The following INTS6L variants were observed in gnomAD, a reference collection of about 807,000 sequenced individuals.
INTS6L encodes the protein integrator complex subunit 6-like.
A neutral mutation model predicts 64.7 loss-of-function variants in INTS6L; 18 were observed. The observed-to-expected ratio is 0.28, with a 90% CI of 0.19 to 0.41. INTS6L has a LOEUF of 0.41. INTS6L is among the 10% of genes least tolerant of loss of function. The pLI is 1.00. For synonymous variants in INTS6L, 227 were observed against 235.9 expected (o/e 0.96, Z 0.34); for missense variants, 533 against 661.0 (o/e 0.81, Z 2.12).
At chrX:135,533,153 CTA>C (rs1381598129) in intron 2 of INTS6L, among the ~76,000 whole-genome samples, 1 of 111,990 alleles carries the variant, frequency 8.9e-6, no homozygotes, top group African/African-American at 3.3e-5. Context: ...GTTTAATGTG[CTA>C]TATCACACAC....
At chrX:135,531,824 G>A (rs1474672560) in intron 2 of INTS6L, among the ~76,000 whole-genome samples, 1 of 111,764 alleles carries the variant, frequency 8.9e-6, no homozygotes, top group Non-Finnish European at 1.9e-5. Flanking sequence ...TACCCTCTGA[G>A]TGTATCTCCC....
intron 12 of INTS6L, 107 bp from the exon 13 acceptor site, chrX:135,573,832 T>C: frequency 1.1e-6 from 1 of 912,516 alleles, no homozygotes; most frequent in Non-Finnish European, 1.5e-6. Flanking sequence ...CTGTAGTCAG[T>C]TGTATTGATA....
chrX:135,577,067 A>G, intron 14 of INTS6L, 126 bp from the exon 15 acceptor site: 2 of 658,535 alleles, frequency 3.0e-6, no homozygotes, highest in Non-Finnish European at 4.6e-6. Context: ...AAAAAAATGA[A>G]AGAAAAAAAG....
intron 9 of INTS6L, among the ~76,000 whole-genome samples, chrX:135,559,108 T>A (rs6635064): frequency 8.9e-6 from 1 of 112,107 alleles, no homozygotes; most frequent in Non-Finnish European, 1.9e-5. Context: ...ATAGGATTTT[T>A]AAAAAAGAAA....
chrX:135,540,747 C>G (rs1193608738), intron 2 of INTS6L, among the ~76,000 whole-genome samples: 1 of 109,027 alleles, frequency 9.2e-6, no homozygotes, highest in Non-Finnish European at 1.9e-5. Flanking sequence ...CCTCTTCCTC[C>G]CCCTCCTCCT....
intron 7 of INTS6L, among the ~76,000 whole-genome samples, chrX:135,551,116 AAT>A (rs782733781): frequency 8.9e-6 from 1 of 112,317 alleles, no homozygotes; most frequent in African/African-American, 3.2e-5. Context: ...AAGGCAAGTG[AAT>A]ATGTTTTCAT....
At chrX:135,521,431 G>A in intron 2 of INTS6L, 113 bp downstream of exon 2, 2 of 757,626 alleles carry the variant, frequency 2.6e-6, no homozygotes, top group Non-Finnish European at 3.7e-6. Context: ...GGGGCGGGCG[G>A]CGAGGGGGTG....
At chrX:135,579,412 C>T (rs1325129011) in intron 15 of INTS6L, among the ~76,000 whole-genome samples, 1 of 111,958 alleles carries the variant, frequency 8.9e-6, no homozygotes, top group Non-Finnish European at 1.9e-5. Flanking sequence ...TCCAAGTTGT[C>T]TGGCTTCCAG....
In INTS6L at chrX:135,520,806, G is replaced by A. The variant is rs1263469708; in HGVS notation, c.-187G>A. 5 of 444,283 alleles carry A rather than the reference G, an allele frequency of 1.1e-5. No individual in the cohort carries two copies. The highest frequency in any genetic ancestry group is 3.5e-5 in the South Asian group (1 of 28,408). The allele number at this position is 444,283 out of a possible 1,213,427, so 36.6% of individuals were successfully genotyped here. ...ACTTTCAAGTTCCCTTGGAGGGAGA[G>A]GAGGTGGGGCTGCAGAAAGAGGAGG... On this transcript the variant is annotated 5_prime_UTR_variant, in exon 1 of 18. Coordinates refer to ENST00000639893, the MANE Select transcript of INTS6L (RefSeq NM_001351601.3).
intron 9 of INTS6L, among the ~76,000 whole-genome samples, chrX:135,563,676 T>TATAG (rs2086857804): frequency 1.1e-5 from 1 of 93,601 alleles, no homozygotes; most frequent in Non-Finnish European, 2.1e-5. Flanking sequence ...TATAGCTATA[T>TATAG]ATATAGCTAG....
chrX:135,536,700 A>C (rs1191502806), intron 2 of INTS6L, among the ~76,000 whole-genome samples: 1 of 111,575 alleles, frequency 9.0e-6, no homozygotes, highest in Non-Finnish European at 1.9e-5. Context: ...AATGAATCGG[A>C]GAAATGGCCT....
At chrX:135,563,088 G>T (rs971529290) in intron 9 of INTS6L, among the ~76,000 whole-genome samples, 1 of 110,505 alleles carries the variant, frequency 9.0e-6, no homozygotes, top group Non-Finnish European at 1.9e-5. Flanking sequence ...TTATTTAAAC[G>T]TTTTTTAGAA....
chrX:135,535,227 C>G (rs2086022667), intron 2 of INTS6L, among the ~76,000 whole-genome samples: 1 of 111,518 alleles, frequency 9.0e-6, no homozygotes, highest in Non-Finnish European at 1.9e-5. Context: ...ATAATGTATT[C>G]TTAGTGTGTA....
intron 8 of INTS6L, among the ~76,000 whole-genome samples, chrX:135,554,772 G>A (rs1026622146): frequency 1.8e-5 from 2 of 109,954 alleles, no homozygotes; most frequent in African/African-American, 6.6e-5. Flanking sequence ...ACTGTAAGGG[G>A]GCTGATGATA....
At chrX:135,549,610 A>T (rs202171791) in intron 6 of INTS6L, 32 bp from the exon 7 acceptor site, 1 of 1,183,245 alleles carries the variant, frequency 8.5e-7, no homozygotes, top group East Asian at 3.0e-5. Flanking sequence ...AAAGAAACTC[A>T]CGCCTTAGTT....
Position 135,531,746 on chromosome X carries a change from A to G in INTS6L, c.189+10428A>G, listed in dbSNP as rs1238376538. On this transcript the variant is annotated intron_variant, in intron 2 of 17. Transcript: ENST00000639893. ...AGCCTGCCATTCTGAGCTCTCTAGTATCTGTTCCACGTGTCGGTAAAAACT... is the reference window on the plus strand; with the variant it reads ...AGCCTGCCATTCTGAGCTCTCTAGTGTCTGTTCCACGTGTCGGTAAAAACT... Among the ~76,000 whole-genome samples the G allele has an allele frequency of 3.6e-5, 4 of 111,597 alleles. No individual in the cohort carries two copies. The East Asian group carries it at 1.1e-3, about 31-fold the overall frequency.
rs782399791 is a variant in INTS6L at position 135,572,903 on chromosome X, G to A, written c.1487G>A (p.Gly496Asp). 8.3e-7 allele frequency: 1 copy of A among 1,211,481 alleles called. No individual in the cohort carries two copies. Among genetic ancestry groups the A allele is most frequent in the South Asian group, 1.8e-5 (1 of 56,956 alleles). The change falls in exon 12 of 18, where the codon GGT becomes GAT. Residue 496 changes from glycine to aspartate, a missense_variant. Gly to Asp is a moderately conservative substitution (Grantham distance 94). Coordinates refer to ENST00000639893, the MANE Select transcript of INTS6L (RefSeq NM_001351601.3). Reference protein sequence around the residue: ...IGIKVKNHSGGGMSLTHNKNF... With the variant: ...IGIKVKNHSGDGMSLTHNKNF... ...ATTAAAGTGAAAAATCATTCTGGAG[G>A]TGGCATGTCCTTGACTCACAATAAA...
chrX:135,554,294 C>T (rs189655430), intron 8 of INTS6L, among the ~76,000 whole-genome samples: 265 of 112,261 alleles, frequency 2.4e-3, no homozygotes, highest in Middle Eastern at 0.014. Context: ...TGACCCTTGA[C>T]TGCCTTGTGC....
At position 135,547,246 on chromosome X, in the gene INTS6L, T is replaced by C. The variant is rs1295418131; in HGVS notation, c.723T>C (p.Asp241=). Residue 241 remains aspartate (D), a synonymous_variant, in exon 6 of 18, where the codon GAT becomes GAC. Transcript: ENST00000639893. Reference sequence around the variant, plus strand: ...TTAATTTTGAAAAAACAGGACCAGATCCACTTCCTATTGGAGAAGGTATAG... The same window carrying C: ...TTAATTTTGAAAAAACAGGACCAGACCCACTTCCTATTGGAGAAGGTATAG... ...VVINFEKTGP[D]PLPIGEDGLM... is the part of the protein sequence containing the mutation. The C allele has an allele frequency of 4.1e-6, 5 of 1,207,225 alleles. No individual in the cohort carries two copies. The African/African-American group carries it at 7.0e-5, about 17-fold the overall frequency.
Sources: allele counts gnomAD v4.1 joint callset (sites outside exome capture counted in the v4.1 genomes callset), GRCh38; gene constraint gnomAD v4.1.1; transcripts MANE v1.5; gene names NCBI Gene and HGNC (gene_info 2026-07-23, HGNC 2026-07-21).